SORCS3: variants seen among roughly 807,000 people sequenced by gnomAD.
SORCS3 encodes sortilin related VPS10 domain containing receptor 3.
A neutral mutation model predicts 146.3 loss-of-function variants in SORCS3; 57 were observed. That is an observed-to-expected ratio of 0.39 (90% CI 0.31 to 0.49). SORCS3 has a LOEUF of 0.49. SORCS3 is among the 20% of genes least tolerant of loss of function. The pLI is 0.92. For synonymous variants in SORCS3, 653 were observed against 618.5 expected (o/e 1.06, Z -0.83); for missense variants, 1,341 against 1,575.5 (o/e 0.85, Z 2.52).
At chr10:105,230,976 T>C (rs2056762385) in intron 20 of SORCS3, among the ~76,000 whole-genome samples, 1 of 152,182 alleles carries the variant, frequency 6.6e-6, no homozygotes, top group Non-Finnish European at 1.5e-5. Context: ...CTCCAGTGGC[T>C]AGGGTTGTAG....
intron 16 of SORCS3, among the ~76,000 whole-genome samples, chr10:105,206,248 T>C (rs2119628402): frequency 6.6e-6 from 1 of 152,186 alleles, no homozygotes; most frequent in Admixed American, 6.5e-5. Flanking sequence ...TAGCAGAAAA[T>C]AATGAGTATA....
At chr10:105,018,627 T>C (rs1196186311) in intron 4 of SORCS3, among the ~76,000 whole-genome samples, 1 of 152,240 alleles carries the variant, frequency 6.6e-6, no homozygotes, top group Non-Finnish European at 1.5e-5. Context: ...TATGAGCTTA[T>C]GTTTTTCTTC....
intron 4 of SORCS3, among the ~76,000 whole-genome samples, chr10:105,013,992 C>CACAT (rs1436963496): frequency 1.3e-5 from 2 of 150,854 alleles, no homozygotes; most frequent in African/African-American, 4.9e-5. Flanking sequence ...GACACACACA[C>CACAT]ACACACACAC....
chr10:104,888,978 G>A (rs937892649), intron 2 of SORCS3, among the ~76,000 whole-genome samples: 9 of 152,136 alleles, frequency 5.9e-5, no homozygotes, highest in Admixed American at 2.0e-4. Context: ...GTTGTTAGTG[G>A]ATGCATAAAC....
intron 13 of SORCS3, among the ~76,000 whole-genome samples, chr10:105,172,310 C>T (rs2056366797): frequency 6.6e-6 from 1 of 152,164 alleles, no homozygotes; most frequent in Admixed American, 6.5e-5. Context: ...ATTTGTTGAG[C>T]ATATGTTATT....
intron 2 of SORCS3, among the ~76,000 whole-genome samples, chr10:104,850,310 C>T (rs918922560): frequency 1.5e-4 from 23 of 152,182 alleles, no homozygotes; most frequent in African/African-American, 5.3e-4. Context: ...CAGCCAGGTG[C>T]GGTGACTCGC....
At chr10:104,913,796 G>A (rs1312624403) in intron 2 of SORCS3, among the ~76,000 whole-genome samples, 3 of 131,438 alleles carry the variant, frequency 2.3e-5, no homozygotes, top group East Asian at 2.1e-4. Flanking sequence ...TTTCCGAGAC[G>A]GAGTCTCACT....
chr10:104,874,488 T>A (rs942491910), intron 2 of SORCS3, among the ~76,000 whole-genome samples: 2 of 152,274 alleles, frequency 1.3e-5, no homozygotes, highest in South Asian at 4.1e-4. Context: ...CTACTTACAC[T>A]TTCTGATGTT....
intron 1 of SORCS3, among the ~76,000 whole-genome samples, chr10:104,745,059 A>G (rs568816640): frequency 6.6e-6 from 1 of 152,354 alleles, no homozygotes; most frequent in South Asian, 2.1e-4. Flanking sequence ...GTTTGTTTAA[A>G]AAAGTTAAAC....
intron 7 of SORCS3, among the ~76,000 whole-genome samples, chr10:105,138,733 G>A (rs2056075202): frequency 6.6e-6 from 1 of 152,118 alleles, no homozygotes; most frequent in Non-Finnish European, 1.5e-5. Context: ...GAGGTTACAG[G>A]GCTTGTCCCT....
chr10:104,650,005 A>G (rs1228617029), intron 1 of SORCS3, among the ~76,000 whole-genome samples: 1 of 152,206 alleles, frequency 6.6e-6, no homozygotes, highest in African/African-American at 2.4e-5. Context: ...CATTGTGCCA[A>G]AGACTCATGT....
chr10:105,140,880 A>C (rs552041715), intron 8 of SORCS3, among the ~76,000 whole-genome samples: 1 of 152,248 alleles, frequency 6.6e-6, no homozygotes, highest in South Asian at 2.1e-4. Flanking sequence ...TGTTTGCAGG[A>C]TGTACCCATC....
intron 3 of SORCS3, among the ~76,000 whole-genome samples, chr10:104,918,053 A>G (rs187604883): frequency 4.4e-4 from 67 of 152,326 alleles, no homozygotes; most frequent in African/African-American, 1.5e-3. Context: ...GAGGAACTCC[A>G]TACTGTTTTC....
At chr10:104,808,831 T>G (rs1322224589) in intron 1 of SORCS3, among the ~76,000 whole-genome samples, 1 of 152,180 alleles carries the variant, frequency 6.6e-6, no homozygotes, top group African/African-American at 2.4e-5. Flanking sequence ...GAGTGGAGGC[T>G]CAGAGAACAG....
intron 18 of SORCS3, among the ~76,000 whole-genome samples, 153 bp downstream of exon 18, chr10:105,214,766 G>A (rs575650171): frequency 6.6e-6 from 1 of 152,194 alleles, no homozygotes; most frequent in African/African-American, 2.4e-5. Flanking sequence ...GGGTGAAAGA[G>A]GGCTTAGGGT....
chr10:105,178,312 G>A (rs1176634017), intron 14 of SORCS3, 139 bp downstream of exon 14: 3 of 598,658 alleles, frequency 5.0e-6, no homozygotes, highest in Middle Eastern at 3.7e-4. Flanking sequence ...CTATAAAATG[G>A]AAATACTTAT....
chr10:105,020,448 G>A (rs556447597), intron 4 of SORCS3, among the ~76,000 whole-genome samples: 8 of 152,204 alleles, frequency 5.3e-5, no homozygotes, highest in African/African-American at 1.4e-4. Flanking sequence ...ACATAGGTGT[G>A]TCATCGTATT....
At chr10:104,781,879 A>G (rs767529133) in intron 1 of SORCS3, among the ~76,000 whole-genome samples, 1 of 152,186 alleles carries the variant, frequency 6.6e-6, no homozygotes, top group Non-Finnish European at 1.5e-5. Flanking sequence ...GGTCTGCCCT[A>G]TTGTTCTGCC....
intron 18 of SORCS3, among the ~76,000 whole-genome samples, chr10:105,215,836 CAT>C (rs2056661601): frequency 6.6e-6 from 1 of 152,132 alleles, no homozygotes; most frequent in African/African-American, 2.4e-5. Flanking sequence ...AGGATTGGCT[CAT>C]AATTCCAAAA....
Sources: allele counts gnomAD v4.1 joint callset (sites outside exome capture counted in the v4.1 genomes callset), GRCh38; gene constraint gnomAD v4.1.1; transcripts MANE v1.5; gene names NCBI Gene and HGNC (gene_info 2026-07-23, HGNC 2026-07-21).